CEP104: variants seen among roughly 807,000 people sequenced by gnomAD.
CEP104 encodes centrosomal protein of 104 kDa.
In CEP104, 84 loss-of-function variants were observed where a neutral mutation model predicts 113.3. The ratio of observed to expected loss-of-function variants is 0.74; its 90% CI spans 0.62 to 0.89. The LOEUF (loss-of-function observed/expected upper bound fraction) is 0.89. Among genes scored for constraint, CEP104 ranks in the 40% least tolerant of loss-of-function variants. The probability of loss-of-function intolerance (pLI) is 0.00; values close to 1 mark genes in which losing one functional copy is unlikely to be tolerated. For missense variants in CEP104, 1,053 were observed against 1,156.6 expected (o/e 0.91, Z 1.30); for synonymous variants, 378 against 421.7 (o/e 0.90, Z 1.27).
intron 18 of CEP104, 118 bp downstream of exon 18, chr1:3,825,640 T>C: frequency 1.4e-6 from 1 of 696,252 alleles, no homozygotes; most frequent in Non-Finnish European, 2.5e-6. Flanking sequence ...TTCAGTTACT[T>C]TTCTCGCAAC....
intron 12 of CEP104, chr1:3,833,586 T>C (rs190745948): frequency 2.4e-4 from 77 of 324,638 alleles, no homozygotes; most frequent in African/African-American, 1.6e-3. Flanking sequence ...ATTTTCTCTT[T>C]TGATATCATT....
At chr1:3,840,177 T>C (rs1644387848) in intron 6 of CEP104, among the ~76,000 whole-genome samples, 1 of 152,182 alleles carries the variant, frequency 6.6e-6, no homozygotes, top group South Asian at 2.1e-4. Context: ...CTAAGAAATG[T>C]GACCAGTGGG....
chr1:3,829,656 C>G, intron 14 of CEP104, 135 bp downstream of exon 14: 1 of 956,990 alleles, frequency 1.0e-6, no homozygotes, highest in Non-Finnish European at 1.6e-6. Flanking sequence ...AACCTGTGTT[C>G]TTTCTTAGCC....
Position 3,816,406 on chromosome 1 carries a change from C to T in CEP104, c.2572-36G>A, listed in dbSNP as rs74049752. The T allele has an allele frequency of 9.3e-4, 1,391 of 1,497,824 alleles. 11 individuals are homozygous for T. The African/African-American group carries it at 0.016, about 17-fold the overall frequency. 92.8% of individuals were successfully genotyped at this position (1,497,824 alleles called of 1,614,324 possible). A position where few individuals can be genotyped will look rare whatever the true frequency, so the allele number is the denominator to read the frequency against. On this transcript the variant is annotated intron_variant, in intron 20 of 21. Coordinates refer to ENST00000378230, the MANE Select transcript of CEP104 (RefSeq NM_014704.4). Reference sequence around the variant, plus strand: ...GGAGGCACACAGAGTGTTAATCAGGCGAGACGGACCTGGCACGCTACCTGA... The same window carrying T: ...GGAGGCACACAGAGTGTTAATCAGGTGAGACGGACCTGGCACGCTACCTGA...
At position 3,813,617 on chromosome 1, in the gene CEP104, A is replaced by C. The variant is rs1449212602; in HGVS notation, c.*1785T>G. The C allele has an allele frequency of 6.7e-6, 1 of 149,278 alleles. No homozygotes were observed. Among genetic ancestry groups the C allele is most frequent in the African/African-American group, 2.5e-5 (1 of 40,746 alleles). 9.2% of individuals were successfully genotyped at this position (149,278 alleles called of 1,614,324 possible). On this transcript the variant is annotated 3_prime_UTR_variant, in exon 22 of 22. Coordinates refer to ENST00000378230, the MANE Select transcript of CEP104 (RefSeq NM_014704.4). ...TGTAATCCCAGCACTTTGGGAGGCC[A>C]AGGTGGGCAGATTATGAGGTCACGA... is the stretch of plus-strand genomic sequence containing the variant.
intron 10 of CEP104, among the ~76,000 whole-genome samples, 185 bp downstream of exon 10, chr1:3,836,310 A>G (rs1167253430): frequency 2.0e-5 from 3 of 151,246 alleles, no homozygotes; most frequent in African/African-American, 7.3e-5. Flanking sequence ...GTCTCAAAAA[A>G]AAAAAAAAAA....
intron 1 of CEP104, 36 bp downstream of exon 1, chr1:3,856,853 G>A (rs923361216): frequency 6.6e-6 from 1 of 151,086 alleles, no homozygotes; most frequent in Non-Finnish European, 1.5e-5. Context: ...TCCCCACTCC[G>A]GCCCTGGGCC....
At chr1:3,855,174 ATTTTTT>A (rs35424750) in intron 1 of CEP104, among the ~76,000 whole-genome samples, 19 of 121,270 alleles carry the variant, frequency 1.6e-4, no homozygotes, top group East Asian at 2.4e-4. Context: ...CCCAGCCCCG[ATTTTTT>A]TTTTTTTTTT....
At position 3,829,992 on chromosome 1, in the gene CEP104, T is replaced by C; in HGVS notation, c.1842A>G (p.Ser614=). ...GFTIDNVMKF[S]VSALEHRVYE... ...ACACTCTATGCTCCAGGGCACTCAC[T>C]GAAAACTAAAGTTGGGAGGGGCTCT... Residue 614 remains serine (S), a synonymous_variant, in exon 14 of 22, where the codon TCA becomes TCG. Transcript: ENST00000378230. The C allele has an allele frequency of 6.2e-7, 1 of 1,613,386 alleles. No individual in the cohort carries two copies.
rs1267990225 is a variant in CEP104 at position 3,830,014 on chromosome 1, C to G, written c.1837-17G>C. 1 of 1,561,760 alleles carries G rather than the reference C, an allele frequency of 6.4e-7. No individual in the cohort carries two copies. Among genetic ancestry groups the G allele is most frequent in the South Asian group, 1.1e-5 (1 of 89,744 alleles). On this transcript the variant is annotated splice_polypyrimidine_tract_variant and intron_variant, in intron 13 of 21. Transcript: ENST00000378230. ...CACTGAAAACTAAAGTTGGGAGGGGCTCTTGTTACTCATTCTTAAAATAAA... is the reference window on the plus strand; with the variant it reads ...CACTGAAAACTAAAGTTGGGAGGGGGTCTTGTTACTCATTCTTAAAATAAA...
chr1:3,819,776 C>T lies in CEP104; in HGVS notation c.2571+3398G>A, dbSNP rs9424305. The stretch of plus-strand genomic sequence containing the variant: ...AGAGAAAAAATATTTGAAGAATGAA[C>T]GGCAAAACAATTCACACGAAATTAG... On this transcript the variant is annotated intron_variant, in intron 20 of 21. Coordinates refer to ENST00000378230, the MANE Select transcript of CEP104 (RefSeq NM_014704.4). This position sits in a 1 kb window ranked among gnomAD's most constrained non-coding sequence, Gnocchi z 4.6. Among the ~76,000 whole-genome samples the T allele has an allele frequency of 0.63, 95,077 of 151,734 alleles. 31,338 individuals are homozygous for T. The highest frequency in any genetic ancestry group is 0.85 in the African/African-American group (35,273 of 41,366).
chr1:3,822,044 A>G (rs780409442), intron 20 of CEP104, among the ~76,000 whole-genome samples: 35 of 152,238 alleles, frequency 2.3e-4, no homozygotes, highest in Non-Finnish European at 4.1e-4. Context: ...CAGATGCAAC[A>G]ACGTGCTGTC....
chr1:3,829,264 A>G lies in CEP104; in HGVS notation c.2151+2T>C, dbSNP rs1644152655. 3.2e-6 allele frequency: 5 copies of G among 1,578,246 alleles called. No individual in the cohort carries two copies. Among genetic ancestry groups the G allele is most frequent in the Non-Finnish European group, 3.4e-6 (4 of 1,168,346 alleles). ...CAGGTGAAAGACGTGTTAACTTCCA[A>G]CCTGAACTTCAGCCTGAATTTCTTT... On this transcript the variant is annotated splice_donor_variant, in intron 15 of 21. Coordinates refer to ENST00000378230, the MANE Select transcript of CEP104 (RefSeq NM_014704.4). LOFTEE classifies it high-confidence loss of function.
At position 3,839,033 on chromosome 1, in the gene CEP104, C is replaced by T. The variant is rs752458675; in HGVS notation, c.822G>A (p.Gln274=). 4 of 1,614,046 alleles carry T rather than the reference C, an allele frequency of 2.5e-6. No homozygotes were observed. The highest frequency in any genetic ancestry group is 2.7e-5 in the African/African-American group (2 of 74,922). The part of the protein sequence containing the change: ...EDYDLAKEKK[Q]QMEQYRAEVY... ...CCTCGGCACGATACTGCTCCATCTGCTGCTTCTTCTCCTTGGCGAGATCGT... is the reference window on the plus strand; with the variant it reads ...CCTCGGCACGATACTGCTCCATCTGTTGCTTCTTCTCCTTGGCGAGATCGT... Residue 274 remains glutamine (Q), a synonymous_variant, in exon 8 of 22, where the codon CAG becomes CAA. Transcript: ENST00000378230.
In CEP104 at chr1:3,829,231, A is replaced by G. The variant is rs1475871165; in HGVS notation, c.2151+35T>C. The G allele has an allele frequency of 6.4e-6, 9 of 1,417,164 alleles. No homozygotes were observed. In the Middle Eastern group the frequency reaches 5.4e-4, roughly 86 times the overall value. 87.8% of individuals were successfully genotyped at this position (1,417,164 alleles called of 1,614,324 possible). ...TATACAGCAAAATACATTTCAGCTA[A>G]AAGCACACAGGTGAAAGACGTGTTA... is the stretch of plus-strand genomic sequence containing the variant. On this transcript the variant is annotated intron_variant, in intron 15 of 21. Transcript: ENST00000378230.
chr1:3,834,145 T>C (rs1644266941), intron 11 of CEP104, 110 bp from the exon 12 acceptor site: 2 of 933,198 alleles, frequency 2.1e-6, no homozygotes, highest in Admixed American at 2.5e-5. Flanking sequence ...GAAAATGACA[T>C]CTCGTCTGAA....
chr1:3,820,050 G>C (rs1010255631), intron 20 of CEP104, among the ~76,000 whole-genome samples: 1 of 152,156 alleles, frequency 6.6e-6, no homozygotes, highest in African/African-American at 2.4e-5. Flanking sequence ...GAGGTAATGA[G>C]TGAGTGTGTT....
chr1:3,855,655 G>T (rs1215289241), intron 1 of CEP104, among the ~76,000 whole-genome samples: 1 of 152,196 alleles, frequency 6.6e-6, no homozygotes, highest in Admixed American at 6.5e-5. Flanking sequence ...TATTACCTCA[G>T]TCTGGTATTT....
At position 3,836,668 on chromosome 1, in the gene CEP104, G is replaced by C. The variant is rs374824835; in HGVS notation, c.1144C>G (p.Arg382Gly). The C allele has an allele frequency of 1.8e-5, 29 of 1,613,480 alleles. No homozygotes were observed. The highest frequency in any genetic ancestry group is 1.6e-4 in the East Asian group (7 of 44,874). The change falls in exon 10 of 22, where the codon CGG becomes GGG. Residue 382 changes from arginine to glycine, a missense_variant. Physicochemically the swap from Arg to Gly is moderately radical, Grantham distance 125 (BLOSUM62 -2). Coordinates refer to ENST00000378230, the MANE Select transcript of CEP104 (RefSeq NM_014704.4). ...TGCTTACGAATAGCTGGAAGAGGCC[G>C]CTCATCGTAGGGCAGGGACTCTGCC... ...INAESLPYDE[R>G]PLPAIRKHYG...
Sources: allele counts gnomAD v4.1 joint callset (sites outside exome capture counted in the v4.1 genomes callset), GRCh38; gene constraint gnomAD v4.1.1; non-coding constraint Gnocchi (gnomAD v3.1); transcripts MANE v1.5; gene names NCBI Gene and HGNC (gene_info 2026-07-23, HGNC 2026-07-21).